The following CLRN1 variants were observed in gnomAD, a reference collection of about 807,000 sequenced individuals.
CLRN1 encodes the protein clarin 1.
CLRN1 carries 15 observed loss-of-function variants against 18.7 expected under a neutral mutation model. The observed-to-expected ratio is 0.80, with a 90% CI of 0.54 to 1.23. The LOEUF is 1.23. CLRN1 is among the 50% of genes most tolerant of loss of function. The probability of loss-of-function intolerance (pLI) is 0.00; values close to 1 mark genes in which losing one functional copy is unlikely to be tolerated. For missense variants in CLRN1, 311 were observed against 277.5 expected (o/e 1.12, Z -0.86); for synonymous variants, 104 against 102.9 (o/e 1.01, Z -0.07).
intron 2 of CLRN1, among the ~76,000 whole-genome samples, chr3:150,932,586 T>C (rs755406397): frequency 6.6e-6 from 1 of 152,236 alleles, no homozygotes; most frequent in African/African-American, 2.4e-5. Context: ...TATAGAATGA[T>C]AAATTGATAA....
chr3:150,931,547 C>A (rs1382662476), intron 2 of CLRN1, among the ~76,000 whole-genome samples: 1 of 152,176 alleles, frequency 6.6e-6, no homozygotes, highest in Non-Finnish European at 1.5e-5. Context: ...GGTCATTTCT[C>A]CTGGGTCATT....
intron 1 of CLRN1, among the ~76,000 whole-genome samples, chr3:150,972,216 A>G (rs975380786): frequency 6.6e-6 from 1 of 152,210 alleles, no homozygotes; most frequent in African/African-American, 2.4e-5. Flanking sequence ...TTAATTGCCA[A>G]TATTTCCAAA....
chr3:150,935,428 G>A (rs1336951934), intron 2 of CLRN1, among the ~76,000 whole-genome samples: 2 of 151,456 alleles, frequency 1.3e-5, no homozygotes, highest in East Asian at 2.0e-4. Flanking sequence ...GTTTGCTGAG[G>A]ATGATGGTTT....
Position 150,928,108 on chromosome 3 carries a change from T to A in CLRN1, c.527A>T (p.Tyr176Phe), listed in dbSNP as rs778786413. 4 of 1,613,586 alleles carry A rather than the reference T, an allele frequency of 2.5e-6. No homozygotes were observed. The highest frequency in any genetic ancestry group is 1.7e-5 in the Admixed American group (1 of 59,872). The change falls in exon 3 of 3, where the codon TAT becomes TTT. Residue 176 changes from tyrosine to phenylalanine, a missense_variant. By Grantham distance (22) the Tyr-to-Phe change is conservative (BLOSUM62 3). Coordinates refer to ENST00000327047, the MANE Select transcript of CLRN1 (RefSeq NM_174878.3). ...TTTTTCACTTTGCGTTTTGTAGACA[T>A]AAGTCCCTTCTTTATAATTTGCAAT... is the stretch of plus-strand genomic sequence containing the variant. ...EKIANYKEGT[Y>F]VYKTQSEKYT...
At chr3:150,965,021 C>A (rs1342636243) in intron 1 of CLRN1, among the ~76,000 whole-genome samples, 3 of 151,964 alleles carry the variant, frequency 2.0e-5, no homozygotes, top group Non-Finnish European at 2.9e-5. Flanking sequence ...GCATGTTCTG[C>A]ACATGTATTT....
chr3:150,946,993 G>A (rs1714212058), intron 1 of CLRN1, among the ~76,000 whole-genome samples: 1 of 148,064 alleles, frequency 6.8e-6, no homozygotes, highest in Non-Finnish European at 1.5e-5. Flanking sequence ...AGACGATTTT[G>A]AGATAGCGAG....
chr3:150,950,678 AG>A (rs1292737189), intron 1 of CLRN1, among the ~76,000 whole-genome samples: 1 of 152,236 alleles, frequency 6.6e-6, no homozygotes, highest in Non-Finnish European at 1.5e-5. Flanking sequence ...TGCAGAGAAA[AG>A]GGAACACTTA....
At chr3:150,945,067 G>T (rs1714093770) in intron 1 of CLRN1, among the ~76,000 whole-genome samples, 1 of 152,152 alleles carries the variant, frequency 6.6e-6, no homozygotes, top group African/African-American at 2.4e-5. Context: ...TCACCCTCCA[G>T]GGCCAGTCCT....
intron 1 of CLRN1, among the ~76,000 whole-genome samples, chr3:150,954,207 T>G (rs974297987): frequency 6.6e-6 from 1 of 152,228 alleles, no homozygotes; most frequent in Non-Finnish European, 1.5e-5. Context: ...TATAAGAAGC[T>G]GCGGAGTGTT....
Position 150,927,694 on chromosome 3 carries a change from A to G in CLRN1, c.*242T>C, listed in dbSNP as rs758439744. 3.3e-4 allele frequency: 215 copies of G among 650,730 alleles called. No individual in the cohort carries two copies. The highest frequency in any genetic ancestry group is 2.0e-3 in the Middle Eastern group (5 of 2,496). 40.3% of individuals were successfully genotyped at this position (650,730 alleles called of 1,614,324 possible). A position where few individuals can be genotyped will look rare whatever the true frequency, so the allele number is the denominator to read the frequency against. ...TATGGAGTAACAATTTGTCGATTCT[A>G]GTCAACTGCCTTTGACTACCTGGGT... On this transcript the variant is annotated 3_prime_UTR_variant, in exon 3 of 3. Coordinates refer to ENST00000327047, the MANE Select transcript of CLRN1 (RefSeq NM_174878.3).
chr3:150,934,114 T>TCAC (rs759491160), intron 2 of CLRN1, among the ~76,000 whole-genome samples: 5 of 152,326 alleles, frequency 3.3e-5, no homozygotes, highest in Admixed American at 3.3e-4. Flanking sequence ...AGATTTTTTT[T>TCAC]CACCACCAAT....
At chr3:150,941,307 A>T in intron 2 of CLRN1, 1 of 327,376 alleles carries the variant, frequency 3.1e-6, no homozygotes, top group Non-Finnish European at 5.7e-6. Flanking sequence ...TTTCCCATGT[A>T]ACTTTTTGAG....
chr3:150,940,464 C>G, intron 2 of CLRN1: 1 of 1,534,106 alleles, frequency 6.5e-7, no homozygotes, highest in Non-Finnish European at 8.7e-7. Flanking sequence ...GGAGTAGTGT[C>G]AAGAGCAAGA....
intron 1 of CLRN1, among the ~76,000 whole-genome samples, chr3:150,949,572 T>G (rs1347129824): frequency 2.6e-5 from 4 of 151,978 alleles, no homozygotes; most frequent in Admixed American, 1.3e-4. Context: ...GAGGGCCAAA[T>G]CAGAAAAGCA....
intron 1 of CLRN1, among the ~76,000 whole-genome samples, chr3:150,946,277 A>T (rs761404662): frequency 6.6e-6 from 1 of 152,218 alleles, no homozygotes; most frequent in Non-Finnish European, 1.5e-5. Context: ...GGTAGGTACC[A>T]TTATTAAAAA....
intron 1 of CLRN1, chr3:150,943,968 C>T: frequency 6.6e-7 from 1 of 1,514,492 alleles, no homozygotes; most frequent in Non-Finnish European, 9.1e-7. Flanking sequence ...GTTGGGAGTC[C>T]CATGAAGGGG....
At chr3:150,962,996 C>A (rs1715104323) in intron 1 of CLRN1, among the ~76,000 whole-genome samples, 1 of 152,156 alleles carries the variant, frequency 6.6e-6, no homozygotes, top group Admixed American at 6.5e-5. Flanking sequence ...TTTTGTGAGG[C>A]TTCAATACTA....
At chr3:150,967,301 G>A (rs1319338514) in intron 1 of CLRN1, among the ~76,000 whole-genome samples, 1 of 152,168 alleles carries the variant, frequency 6.6e-6, no homozygotes, top group African/African-American at 2.4e-5. Flanking sequence ...GAAGGACAGA[G>A]GAGGAAGCAA....
intron 1 of CLRN1, chr3:150,945,666 T>C: frequency 1.6e-6 from 2 of 1,272,190 alleles, no homozygotes; most frequent in Non-Finnish European, 2.0e-6. Flanking sequence ...TTAGTTGTAC[T>C]ACATTTCCTT....
Sources: gnomAD v4.1 joint callset for allele counts (sites outside exome capture counted in the v4.1 genomes callset) on GRCh38, gnomAD v4.1.1 for gene constraint, MANE v1.5 for transcripts, NCBI Gene and HGNC (gene_info 2026-07-23, HGNC 2026-07-21) for gene names.